MTA3: variants seen among roughly 807,000 people sequenced by gnomAD.
MTA3 encodes metastasis associated 1 family member 3, also known as metastasis-associated protein MTA3.
MTA3 carries 34 observed loss-of-function variants against 83.5 expected under a neutral mutation model. That is an observed-to-expected ratio of 0.41 (90% CI 0.31 to 0.54). The LOEUF (loss-of-function observed/expected upper bound fraction) is 0.54. Ranked by LOEUF, MTA3 falls within the 20% of genes least tolerant of loss-of-function variation. MTA3 has a pLI of 0.33. For synonymous variants in MTA3, 303 were observed against 252.7 expected (o/e 1.20, Z -1.89); for missense variants, 761 against 726.4 (o/e 1.05, Z -0.55).
At position 42,754,878 on chromosome 2, in the gene MTA3, G is replaced by A. The variant is rs1484104760; in HGVS notation, c.*1479G>A. 1.0e-6 allele frequency: 1 copy of A among 985,602 alleles called. No individual in the cohort carries two copies. Among genetic ancestry groups the A allele is most frequent in the East Asian group, 1.1e-4 (1 of 8,808 alleles). The allele number at this position is 985,602 out of a possible 1,614,324, so 61.1% of individuals were successfully genotyped here. A position where few individuals can be genotyped will look rare whatever the true frequency, so the allele number is the denominator to read the frequency against. On this transcript the variant is annotated 3_prime_UTR_variant, in exon 17 of 17. Coordinates refer to ENST00000405094, the MANE Select transcript of MTA3 (RefSeq NM_001330442.2). ...TTGGCAGAGAGAGCGTGCTGTGTGA[G>A]GTGGAGGGCGGTTTTGCAGACATCT...
At chr2:42,494,786 T>G (rs1674053679) in exon 1 of MTA3, 1 of 152,458 alleles carries the variant, frequency 6.6e-6, no homozygotes, top group African/African-American at 2.4e-5. Context: ...ATCCTCCTTT[T>G]CAAAATATCT....
intron 2 of MTA3, among the ~76,000 whole-genome samples, chr2:42,543,785 C>T (rs1676631955): frequency 1.3e-5 from 2 of 151,130 alleles, no homozygotes; most frequent in African/African-American, 4.9e-5. Context: ...TATGCCTGGT[C>T]TTTAAGCAAC....
intron 2 of MTA3, among the ~76,000 whole-genome samples, chr2:42,510,775 G>A (rs1025754086): frequency 6.6e-6 from 1 of 152,146 alleles, no homozygotes; most frequent in Non-Finnish European, 1.5e-5. Flanking sequence ...AGCCCAGACA[G>A]GAAGGAAGTG....
chr2:42,496,323 C>T (rs890411284), intron 2 of MTA3, among the ~76,000 whole-genome samples: 1 of 152,186 alleles, frequency 6.6e-6, no homozygotes, highest in Non-Finnish European at 1.5e-5. Flanking sequence ...TCATCAACCA[C>T]TGCTGCAGCA....
upstream of MTA3, among the ~76,000 whole-genome samples, chr2:42,565,956 T>C (rs1290535800): frequency 6.6e-6 from 1 of 152,030 alleles, no homozygotes; most frequent in Non-Finnish European, 1.5e-5. Flanking sequence ...GTGAGCCGAA[T>C]CCGAATCGTG....
chr2:42,509,059 T>C (rs968934525), intron 2 of MTA3, among the ~76,000 whole-genome samples: 2 of 151,784 alleles, frequency 1.3e-5, no homozygotes, highest in African/African-American at 4.8e-5. Context: ...GTTGTTGTTT[T>C]TGTGACGGAG....
At chr2:42,563,418 C>G (rs1016450605) in intron 2 of MTA3, among the ~76,000 whole-genome samples, 5 of 152,188 alleles carry the variant, frequency 3.3e-5, no homozygotes, top group Admixed American at 1.3e-4. Flanking sequence ...ATTCGCCTGC[C>G]TTAGCTTCCC....
intron 4 of MTA3, among the ~76,000 whole-genome samples, chr2:42,627,607 A>G (rs1686237155): frequency 6.6e-6 from 1 of 151,550 alleles, no homozygotes; most frequent in African/African-American, 2.4e-5. Context: ...TCTGTCTCTC[A>G]GGTTGGAGTG....
chr2:42,733,766 C>G (rs900797838), intron 16 of MTA3, among the ~76,000 whole-genome samples: 6 of 152,066 alleles, frequency 3.9e-5, no homozygotes, highest in African/African-American at 1.2e-4. Flanking sequence ...TCCCAAAGTG[C>G]TGGGATTACA....
intron 16 of MTA3, among the ~76,000 whole-genome samples, chr2:42,739,121 A>G (rs1373847637): frequency 6.6e-6 from 1 of 151,986 alleles, no homozygotes; most frequent in African/African-American, 2.4e-5. Flanking sequence ...CCTTTTGAAA[A>G]TCCCTAATAA....
chr2:42,652,373 C>T (rs896894248), intron 6 of MTA3, among the ~76,000 whole-genome samples: 2 of 152,140 alleles, frequency 1.3e-5, no homozygotes, highest in African/African-American at 4.8e-5. Flanking sequence ...TGCAGATCTC[C>T]CCCCATCCCC....
At chr2:42,684,661 CAAA>C (rs1489568078) in intron 9 of MTA3, among the ~76,000 whole-genome samples, 2 of 151,968 alleles carry the variant, frequency 1.3e-5, no homozygotes, top group African/African-American at 4.8e-5. Flanking sequence ...AATGAAAATT[CAAA>C]AAAGATAAAT....
rs148900882 is a variant in MTA3 at position 42,690,105 on chromosome 2, C to G, written c.892-5660C>G. Among the ~76,000 whole-genome samples, 173 of 152,134 alleles carry G rather than the reference C, an allele frequency of 1.1e-3. 2 individuals carry two copies. The highest frequency in any genetic ancestry group is 1.9e-3 in the Admixed American group (29 of 15,266). On this transcript the variant is annotated intron_variant, in intron 9 of 16. Coordinates refer to ENST00000405094, the MANE Select transcript of MTA3 (RefSeq NM_001330442.2). ...ATTTTGAGGCTGCAGCATGCTATGA[C>G]CATGCCTGTGAATGAATAGCTACTG...
At position 42,753,606 on chromosome 2, in the gene MTA3, C is replaced by T. The variant is rs1226143381; in HGVS notation, c.*207C>T. The T allele has an allele frequency of 7.3e-6, 10 of 1,376,168 alleles. No individual in the cohort carries two copies. Among genetic ancestry groups the T allele is most frequent in the Non-Finnish European group, 9.4e-6 (10 of 1,064,654 alleles). 85.2% of individuals were successfully genotyped at this position (1,376,168 alleles called of 1,614,324 possible). On this transcript the variant is annotated 3_prime_UTR_variant, in exon 17 of 17. Coordinates refer to ENST00000405094, the MANE Select transcript of MTA3 (RefSeq NM_001330442.2). ...GTCTCCACGTGTGGATCAGCAGCAC[C>T]TCGCTTTCTTGTCAGAGACCTCGCT...
intron 6 of MTA3, among the ~76,000 whole-genome samples, chr2:42,647,083 G>A (rs1169699179): frequency 6.9e-6 from 1 of 144,432 alleles, no homozygotes; most frequent in East Asian, 2.1e-4. Context: ...GTGGAACCCA[G>A]GAGGCGGAGG....
intron 6 of MTA3, among the ~76,000 whole-genome samples, chr2:42,651,676 A>G (rs1017080633): frequency 2.0e-5 from 3 of 151,852 alleles, no homozygotes; most frequent in Non-Finnish European, 2.9e-5. Flanking sequence ...GCGTGCCTGT[A>G]GGCCCAGCTA....
chr2:42,728,645 C>A (rs377433921), intron 16 of MTA3, among the ~76,000 whole-genome samples: 1 of 152,166 alleles, frequency 6.6e-6, no homozygotes, highest in Non-Finnish European at 1.5e-5. Context: ...TGGATAAGAG[C>A]TATTTTAACT....
chr2:42,551,891 T>C (rs941499992), intron 2 of MTA3, among the ~76,000 whole-genome samples: 3 of 152,052 alleles, frequency 2.0e-5, no homozygotes, highest in Non-Finnish European at 4.4e-5. Context: ...CACGCCTGGC[T>C]AATTTTTTGT....
chr2:42,619,195 A>G (rs1456564603), intron 4 of MTA3, among the ~76,000 whole-genome samples: 2 of 152,216 alleles, frequency 1.3e-5, no homozygotes, highest in African/African-American at 4.8e-5. Flanking sequence ...GATGTGACTG[A>G]TAAGTTTGAT....
Sources: allele counts gnomAD v4.1 joint callset (sites outside exome capture counted in the v4.1 genomes callset), GRCh38; gene constraint gnomAD v4.1.1; transcripts MANE v1.5; gene names NCBI Gene and HGNC (gene_info 2026-07-23, HGNC 2026-07-21).